The following DOCK4 variants were observed in gnomAD, a reference collection of about 807,000 sequenced individuals.
DOCK4 encodes dedicator of cytokinesis 4.
Under a neutral mutation model 268.1 loss-of-function variants are expected in DOCK4, and 97 were observed. The ratio of observed to expected loss-of-function variants is 0.36; its 90% confidence interval spans 0.31 to 0.43. The LOEUF (loss-of-function observed/expected upper bound fraction) is 0.43, where lower values mean the gene tolerates loss of function less well. Among genes scored for constraint, DOCK4 ranks in the 20% least tolerant of loss-of-function variants. DOCK4 has a pLI of 1.00. For synonymous variants in DOCK4, 954 were observed against 887.2 expected, an observed-to-expected ratio of 1.08 and a Z score of -1.34; for missense variants, 2,145 against 2,455.7, an observed-to-expected ratio of 0.87 and a Z score of 2.67.
At chr7:112,138,712 C>A (rs1437030423) in intron 1 of DOCK4, among the ~76,000 whole-genome samples, 1 of 152,126 alleles carries the variant, frequency 6.6e-6, no homozygotes, top group East Asian at 1.9e-4. Context: ...GACTTCCTAA[C>A]CCCCAATGTG....
intron 1 of DOCK4, among the ~76,000 whole-genome samples, chr7:112,053,850 G>A (rs942660851): frequency 1.2e-4 from 18 of 152,170 alleles, no homozygotes; most frequent in African/African-American, 3.9e-4. Flanking sequence ...AGTAGAGAGT[G>A]CAAAGTGGCA....
intron 1 of DOCK4, among the ~76,000 whole-genome samples, chr7:112,039,379 G>T (rs1421137014): frequency 7.0e-6 from 1 of 142,416 alleles, no homozygotes; most frequent in Non-Finnish European, 1.5e-5. Flanking sequence ...CATATGGGGG[G>T]GGGGGCTTAA....
intron 34 of DOCK4, among the ~76,000 whole-genome samples, chr7:111,783,423 G>GT (rs1201406886): frequency 6.6e-6 from 1 of 152,142 alleles, no homozygotes; most frequent in African/African-American, 2.4e-5. Flanking sequence ...AGGTGACACT[G>GT]TGAGTTTCAT....
At chr7:111,745,526 C>CA (rs963334567) in intron 44 of DOCK4, among the ~76,000 whole-genome samples, 29 of 150,318 alleles carry the variant, frequency 1.9e-4, no homozygotes, top group Admixed American at 6.6e-4. Context: ...ACTAAAAATG[C>CA]AAAAAAAATT....
intron 23 of DOCK4, among the ~76,000 whole-genome samples, chr7:111,853,203 A>G (rs1341820380): frequency 6.6e-6 from 1 of 152,170 alleles, no homozygotes; most frequent in Non-Finnish European, 1.5e-5. Flanking sequence ...TCTATCAACA[A>G]GCTTTAGACA....
chr7:112,082,034 G>A (rs1808634380), intron 1 of DOCK4, among the ~76,000 whole-genome samples: 1 of 135,030 alleles, frequency 7.4e-6, no homozygotes, highest in Admixed American at 7.1e-5. Flanking sequence ...TGTCATCAGA[G>A]TACCTACGCT....
At chr7:112,084,486 T>C (rs2135730864) in intron 1 of DOCK4, among the ~76,000 whole-genome samples, 1 of 152,292 alleles carries the variant, frequency 6.6e-6, no homozygotes, top group South Asian at 2.1e-4. Context: ...CAAAAGGGAA[T>C]GAGCATTTTC....
At chr7:111,911,219 C>T (rs990842750) in intron 13 of DOCK4, among the ~76,000 whole-genome samples, 7 of 152,242 alleles carry the variant, frequency 4.6e-5, no homozygotes, top group African/African-American at 1.7e-4. Flanking sequence ...TGCTTGCAGA[C>T]GGTCAGTGTA....
chr7:111,783,010 G>GAAAA, intron 34 of DOCK4, 86 bp from the exon 35 acceptor site: 2 of 526,378 alleles, frequency 3.8e-6, no homozygotes, highest in Non-Finnish European at 5.5e-6. Context: ...AAAAAAGAAA[G>GAAAA]AAAGAAAGAA....
intron 15 of DOCK4, 23 bp downstream of exon 15, chr7:111,900,351 A>G: frequency 6.2e-7 from 1 of 1,609,106 alleles, no homozygotes; most frequent in African/African-American, 1.3e-5. Flanking sequence ...AGACACAGGT[A>G]GCCAATGCCA....
chr7:111,882,254 T>A (rs1267429657), intron 16 of DOCK4, among the ~76,000 whole-genome samples: 1 of 152,136 alleles, frequency 6.6e-6, no homozygotes, highest in Non-Finnish European at 1.5e-5. Context: ...TAGTGTATTA[T>A]AATATCATTT....
intron 27 of DOCK4, among the ~76,000 whole-genome samples, chr7:111,816,636 G>C (rs1294577713): frequency 6.6e-6 from 1 of 152,152 alleles, no homozygotes; most frequent in African/African-American, 2.4e-5. Flanking sequence ...GGAACTTAGA[G>C]AACAATGGCA....
At chr7:112,031,842 A>G (rs1803305288) in intron 1 of DOCK4, among the ~76,000 whole-genome samples, 1 of 152,204 alleles carries the variant, frequency 6.6e-6, no homozygotes, top group Admixed American at 6.5e-5. Context: ...ACATGTCAAA[A>G]AAGTGTCTCC....
chr7:111,841,600 AG>A (rs1199247888), intron 25 of DOCK4, among the ~76,000 whole-genome samples: 1 of 152,210 alleles, frequency 6.6e-6, no homozygotes, highest in Non-Finnish European at 1.5e-5. Flanking sequence ...AAAGCATAAA[AG>A]CAAAGATGTC....
intron 1 of DOCK4, among the ~76,000 whole-genome samples, chr7:112,004,869 G>T: frequency 6.6e-6 from 1 of 152,258 alleles, no homozygotes; most frequent in South Asian, 2.1e-4. Context: ...GAAACATTTT[G>T]CAGGGCAGGA....
At chr7:112,089,976 T>C (rs1181027339) in intron 1 of DOCK4, among the ~76,000 whole-genome samples, 4 of 152,218 alleles carry the variant, frequency 2.6e-5, no homozygotes, top group African/African-American at 9.6e-5. Flanking sequence ...AAAGCTGGCA[T>C]CAGTTTTTGC....
At position 111,782,870 on chromosome 7, in the gene DOCK4, G is replaced by A. The variant is rs1235169081; in HGVS notation, c.3579C>T (p.Ser1193=). Reference sequence around the variant, plus strand: ...AGGGGAATAGTTTACTAACCAGAAGGCTAACTGTGCAGCCAATCTTTTTGC... The same window carrying A: ...AGGGGAATAGTTTACTAACCAGAAGACTAACTGTGCAGCCAATCTTTTTGC... The part of the protein sequence containing the change: ...VDGKKIGCTV[S]LLNFYKTELN... Residue 1193 remains serine (S), a synonymous_variant, in exon 35 of 53, where the codon AGC becomes AGT. Coordinates refer to ENST00000428084, the MANE Select transcript of DOCK4 (RefSeq NM_001363540.2). The A allele has an allele frequency of 1.2e-6, 2 of 1,613,540 alleles. No individual in the cohort carries two copies. Among genetic ancestry groups the A allele is most frequent in the Admixed American group, 1.7e-5 (1 of 59,990 alleles).
chr7:112,099,554 T>C (rs1347517679), intron 1 of DOCK4, among the ~76,000 whole-genome samples: 1 of 152,242 alleles, frequency 6.6e-6, no homozygotes, highest in East Asian at 1.9e-4. Context: ...GTAACAGTTC[T>C]GCTGACAACT....
At chr7:111,963,557 C>A (rs1387945852) in intron 8 of DOCK4, among the ~76,000 whole-genome samples, 1 of 32,570 alleles carries the variant, frequency 3.1e-5, no homozygotes, top group Non-Finnish European at 5.3e-5. Flanking sequence ...GAGGGTCCTA[C>A]GCCCACGGAA....
Sources: gnomAD v4.1 joint callset for allele counts (sites outside exome capture counted in the v4.1 genomes callset) on GRCh38, gnomAD v4.1.1 for gene constraint, MANE v1.5 for transcripts, NCBI Gene and HGNC (gene_info 2026-07-23, HGNC 2026-07-21) for gene names.